Variants in CCDC66 observed in about 807,000 individuals in gnomAD.
The protein encoded by CCDC66 is coiled-coil domain-containing protein 66.
In CCDC66, 133 loss-of-function variants were observed where a neutral mutation model predicts 128.3. The observed-to-expected ratio is 1.04, with a 90% CI of 0.90 to 1.20. CCDC66 has a LOEUF of 1.20. CCDC66 is among the 50% of genes most tolerant of loss of function. The pLI, the probability that CCDC66 is intolerant of heterozygous loss-of-function variation, is 0.00. For missense variants in CCDC66, 1,126 were observed against 1,075.5 expected, an observed-to-expected ratio of 1.05 and a Z score of -0.66; for synonymous variants, 387 against 357.0, an observed-to-expected ratio of 1.08 and a Z score of -0.95.
chr3:56,606,369 G>A (rs746362154), intron 10 of CCDC66, among the ~76,000 whole-genome samples: 4 of 151,996 alleles, frequency 2.6e-5, no homozygotes, highest in Non-Finnish European at 4.4e-5. Context: ...ACAAACGGCC[G>A]CCCAGTTTTG....
chr3:56,617,689 TTC>T (rs1479614891), intron 14 of CCDC66, 84 bp downstream of exon 14: 1 of 1,480,052 alleles, frequency 6.8e-7, no homozygotes, highest in Non-Finnish European at 9.1e-7. Context: ...GGTAAGGCTG[TTC>T]TGATCTGTTT....
At chr3:56,575,870 A>G (rs143336084) in intron 7 of CCDC66, among the ~76,000 whole-genome samples, 2 of 151,934 alleles carry the variant, frequency 1.3e-5, no homozygotes, top group Non-Finnish European at 2.9e-5. Context: ...TCCCTTGTCC[A>G]TAACTATTTC....
At chr3:56,558,323 T>C (rs961580199) in intron 1 of CCDC66, among the ~76,000 whole-genome samples, 2 of 152,236 alleles carry the variant, frequency 1.3e-5, no homozygotes, top group Non-Finnish European at 2.9e-5. Flanking sequence ...GCTTCTGATA[T>C]GCACGTATAA....
At chr3:56,595,716 G>A (rs2071756905) in intron 10 of CCDC66, among the ~76,000 whole-genome samples, 1 of 152,178 alleles carries the variant, frequency 6.6e-6, no homozygotes, top group African/African-American at 2.4e-5. Context: ...TTGATATACA[G>A]ATTTCATGTT....
intron 10 of CCDC66, among the ~76,000 whole-genome samples, chr3:56,611,618 G>T (rs927467995): frequency 7.1e-6 from 1 of 141,592 alleles, no homozygotes; most frequent in Non-Finnish European, 1.5e-5. Flanking sequence ...TGTTCAAGTT[G>T]TTACAAAGTT....
intron 4 of CCDC66, among the ~76,000 whole-genome samples, chr3:56,566,288 C>T (rs1020830593): frequency 1.3e-5 from 2 of 152,138 alleles, no homozygotes; most frequent in African/African-American, 2.4e-5. Context: ...CCACACCTAC[C>T]TAATTTTTGT....
At chr3:56,558,956 AC>A in intron 2 of CCDC66, 46 bp downstream of exon 2, 1 of 1,337,748 alleles carries the variant, frequency 7.5e-7, no homozygotes, top group Non-Finnish European at 1.0e-6. Flanking sequence ...TTAAATTCAT[AC>A]ATAAAATTTA....
At chr3:56,618,330 T>G (rs2075798575) in intron 15 of CCDC66, 118 bp downstream of exon 15, 2 of 936,628 alleles carry the variant, frequency 2.1e-6, no homozygotes, top group East Asian at 4.9e-5. Context: ...AGAAAGGGTG[T>G]GGCTTCCAGG....
At position 56,617,469 on chromosome 3, in the gene CCDC66, G is replaced by C; in HGVS notation, c.2201G>C (p.Arg734Thr). 1 of 1,614,022 alleles carries C rather than the reference G, an allele frequency of 6.2e-7. No homozygotes were observed. Among genetic ancestry groups the C allele is most frequent in the Non-Finnish European group, 8.5e-7 (1 of 1,179,970 alleles). ...CAGAGAGAAGAAAAAAAAGTAAGGAGGCAGATGGAATTGCTTCATTTGGTA... is the reference window on the plus strand; with the variant it reads ...CAGAGAGAAGAAAAAAAAGTAAGGACGCAGATGGAATTGCTTCATTTGGTA... ...QKQREEKKVR[R>T]QMELLHLVEK... The change falls in exon 14 of 18, where the codon AGG (arginine) becomes ACG (threonine). Residue 734 changes from arginine (R) to threonine (T), a missense_variant. Transcript: ENST00000394672.
chr3:56,601,855 T>C (rs1210766331), intron 10 of CCDC66, among the ~76,000 whole-genome samples: 1 of 152,096 alleles, frequency 6.6e-6, no homozygotes, highest in Non-Finnish European at 1.5e-5. Flanking sequence ...CTTATCAGCT[T>C]AAGGAGATTT....
chr3:56,591,267 A>T (rs982930958), intron 7 of CCDC66, among the ~76,000 whole-genome samples: 4 of 152,274 alleles, frequency 2.6e-5, no homozygotes, highest in Admixed American at 1.3e-4. Context: ...AATATAGATA[A>T]AACATTTTGA....
rs192254157 is a variant in CCDC66, at chr3:56,579,373, G to C, written c.936+8071G>C. ...CAAAAAACCAGCTCCTGGATTCATTGATTTTTTTTGAAGGGTTTTTTGTGT... is the reference window on the plus strand; with the variant it reads ...CAAAAAACCAGCTCCTGGATTCATTCATTTTTTTTGAAGGGTTTTTTGTGT... On this transcript the variant is annotated intron_variant, in intron 7 of 17. Transcript: ENST00000394672. Among the ~76,000 whole-genome samples, 566 of 151,752 alleles carry C rather than the reference G, an allele frequency of 3.7e-3. 15 individuals carry two copies. Among genetic ancestry groups the C allele is most frequent in the East Asian group, 0.035 (177 of 5,042 alleles).
At chr3:56,562,962 A>T (rs939302647) in intron 3 of CCDC66, among the ~76,000 whole-genome samples, 7 of 151,950 alleles carry the variant, frequency 4.6e-5, no homozygotes, top group African/African-American at 1.7e-4. Flanking sequence ...TTTTATATTT[A>T]AAAATGTTAC....
At chr3:56,565,445 T>C (rs1273793395) in intron 4 of CCDC66, among the ~76,000 whole-genome samples, 1 of 148,826 alleles carries the variant, frequency 6.7e-6, no homozygotes, top group Admixed American at 6.7e-5. Context: ...GGCTAACTTT[T>C]TTTTTTTTTT....
intron 13 of CCDC66, 162 bp from the exon 14 acceptor site, chr3:56,616,950 T>C (rs1269161897): frequency 8.3e-6 from 4 of 482,688 alleles, no homozygotes; most frequent in African/African-American, 8.1e-5. Context: ...TGGTTGGGAG[T>C]ATGTGGTTGT....
intron 7 of CCDC66, among the ~76,000 whole-genome samples, chr3:56,582,530 T>G (rs911445694): frequency 2.0e-5 from 3 of 151,774 alleles, no homozygotes; most frequent in African/African-American, 7.2e-5. Context: ...TCTTGGAACC[T>G]CCTCCGGAAT....
At chr3:56,583,553 C>T (rs951124774) in intron 7 of CCDC66, among the ~76,000 whole-genome samples, 2 of 151,812 alleles carry the variant, frequency 1.3e-5, no homozygotes, top group East Asian at 2.0e-4. Context: ...CGTCTTGCAC[C>T]GCCCTTAATC....
intron 7 of CCDC66, among the ~76,000 whole-genome samples, chr3:56,579,022 T>A (rs966539353): frequency 6.6e-6 from 1 of 151,904 alleles, no homozygotes; most frequent in African/African-American, 2.4e-5. Context: ...CGAATTTGGC[T>A]GTGAATCCGT....
intron 10 of CCDC66, among the ~76,000 whole-genome samples, chr3:56,597,230 G>T (rs6805474): frequency 6.6e-6 from 1 of 151,874 alleles, no homozygotes; most frequent in Non-Finnish European, 1.5e-5. Context: ...TTTATTTCTG[G>T]ATTCCCTATT....
Sources: gnomAD v4.1 joint callset for allele counts (sites outside exome capture counted in the v4.1 genomes callset) on GRCh38, gnomAD v4.1.1 for gene constraint, MANE v1.5 for transcripts, NCBI Gene and HGNC (gene_info 2026-07-23, HGNC 2026-07-21) for gene names.